The following CNGB3 variants were observed in gnomAD, a reference collection of about 807,000 sequenced individuals.
CNGB3 encodes the protein cyclic nucleotide gated channel subunit beta 3.
CNGB3 carries 86 observed loss-of-function variants against 92.8 expected under a neutral mutation model. The ratio of observed to expected loss-of-function variants is 0.93; its 90% CI spans 0.78 to 1.11. The LOEUF (loss-of-function observed/expected upper bound fraction) is 1.11, where lower values mean the gene tolerates loss of function less well. Among genes scored for constraint, CNGB3 ranks in the 50% least tolerant of loss-of-function variants. The pLI, the probability that CNGB3 is intolerant of heterozygous loss-of-function variation, is 0.00. For missense variants in CNGB3, 1,026 were observed against 956.8 expected (o/e 1.07, Z -0.95); for synonymous variants, 333 against 332.7 (o/e 1.00, Z -0.01).
At chr8:86,638,098 A>G (rs1823109616) in intron 10 of CNGB3, among the ~76,000 whole-genome samples, 1 of 152,058 alleles carries the variant, frequency 6.6e-6, no homozygotes, top group South Asian at 2.1e-4. Flanking sequence ...TCTTTATACC[A>G]CAGTTTGTTT....
At chr8:86,739,863 T>A in intron 1 of CNGB3, 127 bp from the exon 2 acceptor site, 2 of 1,117,218 alleles carry the variant, frequency 1.8e-6, no homozygotes, top group Non-Finnish European at 2.6e-6. Flanking sequence ...TATGATGTAC[T>A]AAAAATGATT....
At position 86,643,836 on chromosome 8, in the gene CNGB3, G is replaced by T. The variant is rs1353245632; in HGVS notation, c.1093C>A (p.His365Asn). The T allele has an allele frequency of 6.2e-7, 1 of 1,606,876 alleles. No individual in the cohort carries two copies. The highest frequency in any genetic ancestry group is 8.5e-7 in the Non-Finnish European group (1 of 1,175,410). The change falls in exon 10 of 18, where the codon CAC becomes AAC. Residue 365 changes from histidine to asparagine, a missense_variant. By Grantham distance (68) the His-to-Asn change is moderately conservative. Coordinates refer to ENST00000320005, the MANE Select transcript of CNGB3 (RefSeq NM_019098.5). ...RTTGYLLFIL[H>N]INACVYYWAS... is the part of the protein sequence containing the mutation. Reference sequence around the variant, plus strand: ...CAGTAATAAACACAGGCATTAATGTGCAGAATAAACAGCAAGTATCCAGTT... The same window carrying T: ...CAGTAATAAACACAGGCATTAATGTTCAGAATAAACAGCAAGTATCCAGTT...
At chr8:86,650,882 A>G (rs1434228160) in intron 7 of CNGB3, among the ~76,000 whole-genome samples, 1 of 151,850 alleles carries the variant, frequency 6.6e-6, no homozygotes, top group East Asian at 1.9e-4. Flanking sequence ...TTTCAGCCCA[A>G]TTCATAACTG....
rs182672102 is a variant in CNGB3 at position 86,716,341 on chromosome 8, A to G, written c.338+10190T>C. On this transcript the variant is annotated intron_variant, in intron 3 of 17. Coordinates refer to ENST00000320005, the MANE Select transcript of CNGB3 (RefSeq NM_019098.5). ...GAAAACTTCCCTGGCCTTGCCAGAG[A>G]TCCAGACATCCAAATACAAGAAGCT... Among the ~76,000 whole-genome samples, 611 of 152,352 alleles carry G rather than the reference A, an allele frequency of 4.0e-3. 2 individuals carry two copies. The highest frequency in any genetic ancestry group is 0.014 in the African/African-American group (576 of 41,576).
intron 3 of CNGB3, among the ~76,000 whole-genome samples, chr8:86,699,506 A>T (rs1824512640): frequency 6.6e-6 from 1 of 152,110 alleles, no homozygotes; most frequent in South Asian, 2.1e-4. Flanking sequence ...AAAAAAGACT[A>T]CTGAATGTTA....
chr8:86,659,063 T>A, intron 6 of CNGB3: 1 of 872,484 alleles, frequency 1.1e-6, no homozygotes, highest in Non-Finnish European at 1.9e-6. Context: ...CAGAGGGCCC[T>A]GCTGGGGGCT....
At chr8:86,716,110 C>A (rs192347156) in intron 3 of CNGB3, among the ~76,000 whole-genome samples, 1 of 151,972 alleles carries the variant, frequency 6.6e-6, no homozygotes, top group Non-Finnish European at 1.5e-5. Flanking sequence ...GCAATAGAAT[C>A]GAACAAGCAG....
chr8:86,613,953 ATTATATACAAT>A (rs1320015476), intron 13 of CNGB3, among the ~76,000 whole-genome samples: 6 of 147,998 alleles, frequency 4.1e-5, no homozygotes, highest in Middle Eastern at 3.6e-3. Flanking sequence ...TATTATAAAA[ATTATATACAAT>A]TTATATATAA....
At chr8:86,676,458 C>T (rs1375026724) in intron 3 of CNGB3, among the ~76,000 whole-genome samples, 1 of 152,100 alleles carries the variant, frequency 6.6e-6, no homozygotes, top group Non-Finnish European at 1.5e-5. Flanking sequence ...TAAAATTTGT[C>T]TTGAATGGTC....
intron 15 of CNGB3, among the ~76,000 whole-genome samples, chr8:86,589,081 C>T (rs1470487356): frequency 2.0e-5 from 3 of 152,032 alleles, no homozygotes; most frequent in Non-Finnish European, 2.9e-5. Flanking sequence ...GTGTGTGTGT[C>T]AAGGAATTTA....
chr8:86,604,239 G>A, intron 14 of CNGB3, 28 bp from the exon 15 acceptor site: 1 of 1,364,716 alleles, frequency 7.3e-7, no homozygotes, highest in East Asian at 2.3e-5. Flanking sequence ...AGAGGAAATG[G>A]TAGTTACTTT....
At chr8:86,718,525 A>G (rs567864299) in intron 3 of CNGB3, among the ~76,000 whole-genome samples, 1 of 152,216 alleles carries the variant, frequency 6.6e-6, no homozygotes, top group East Asian at 1.9e-4. Flanking sequence ...AATGGTAATA[A>G]AAAAATTGCC....
chr8:86,708,209 G>T (rs1040535648), intron 3 of CNGB3, among the ~76,000 whole-genome samples: 70 of 152,276 alleles, frequency 4.6e-4, no homozygotes, highest in African/African-American at 1.7e-3. Context: ...AGGTAAAGAA[G>T]GGGTCTGAGG....
intron 8 of CNGB3, 106 bp from the exon 9 acceptor site, chr8:86,644,792 T>C: frequency 1.3e-6 from 1 of 799,848 alleles, no homozygotes; most frequent in Non-Finnish European, 1.7e-6. Flanking sequence ...ATTTCATTCA[T>C]ATGTCTTTTT....
At chr8:86,738,202 T>C in intron 2 of CNGB3, among the ~76,000 whole-genome samples, 1 of 65,264 alleles carries the variant, frequency 1.5e-5, no homozygotes, top group East Asian at 3.1e-4. Flanking sequence ...CTTTCATTTT[T>C]GTATTTATTT....
intron 3 of CNGB3, among the ~76,000 whole-genome samples, chr8:86,674,944 G>GTTGT (rs1400887786): frequency 2.6e-5 from 1 of 38,436 alleles, no homozygotes; most frequent in African/African-American, 7.4e-5. Flanking sequence ...CTCTCTTTTT[G>GTTGT]TTGTTGTTGT....
intron 3 of CNGB3, among the ~76,000 whole-genome samples, chr8:86,689,493 C>T (rs1824260967): frequency 6.7e-6 from 1 of 148,632 alleles, no homozygotes; most frequent in Non-Finnish European, 1.5e-5. Flanking sequence ...CACACACAAA[C>T]CAATTATATA....
At chr8:86,734,649 A>C (rs1264967430) in intron 2 of CNGB3, among the ~76,000 whole-genome samples, 1 of 152,194 alleles carries the variant, frequency 6.6e-6, no homozygotes, top group Non-Finnish European at 1.5e-5. Flanking sequence ...TAAAAAAGTC[A>C]ACATTTAAAA....
At chr8:86,632,661 G>C in intron 11 of CNGB3, 91 bp downstream of exon 11, 1 of 1,353,776 alleles carries the variant, frequency 7.4e-7, no homozygotes, top group Non-Finnish European at 1.0e-6. Context: ...GAACCAGACA[G>C]ATTTTAATTT....
Sources: allele counts gnomAD v4.1 joint callset (sites outside exome capture counted in the v4.1 genomes callset), GRCh38; gene constraint gnomAD v4.1.1; transcripts MANE v1.5; gene names NCBI Gene and HGNC (gene_info 2026-07-23, HGNC 2026-07-21).